ARID1B: variants seen among roughly 807,000 people sequenced by gnomAD.
ARID1B encodes AT-rich interactive domain-containing protein 1B.
A neutral mutation model predicts 212.3 loss-of-function variants in ARID1B; 30 were observed. The ratio of observed to expected loss-of-function variants is 0.14; its 90% CI spans 0.11 to 0.19. ARID1B has a LOEUF of 0.19. Ranked by LOEUF, ARID1B falls within the 10% of genes least tolerant of loss-of-function variation. The pLI, the probability that ARID1B is intolerant of heterozygous loss-of-function variation, is 1.00. For missense variants in ARID1B, 2,891 were observed against 3,204.0 expected (o/e 0.90, Z 2.36); for synonymous variants, 1,402 against 1,301.7 (o/e 1.08, Z -1.66).
chr6:156,899,088 A>G (rs1788717077), intron 2 of ARID1B, among the ~76,000 whole-genome samples: 1 of 152,224 alleles, frequency 6.6e-6, no homozygotes, highest in Non-Finnish European at 1.5e-5. Context: ...GAGCACTACA[A>G]CTTCTAGTTT....
At position 156,799,527 on chromosome 6, in the gene ARID1B, G is replaced by A. The variant is rs78266012; in HGVS notation, c.1791+20056G>A. Among the ~76,000 whole-genome samples the A allele has an allele frequency of 8.2e-3, 1,245 of 152,312 alleles. 9 individuals carry two copies. Among genetic ancestry groups the A allele is most frequent in the Non-Finnish European group, 0.014 (919 of 68,030 alleles). ...GGAGTCTTGCTCTGTTGCACAGGCT[G>A]GAGTGCAGTGGTGCTATCTCCTCAC... On this transcript the variant is annotated intron_variant, in intron 1 of 19. Transcript: ENST00000636930.
intron 1 of ARID1B, among the ~76,000 whole-genome samples, chr6:156,809,103 T>G (rs1478041946): frequency 6.6e-6 from 1 of 152,068 alleles, no homozygotes; most frequent in Non-Finnish European, 1.5e-5. Flanking sequence ...TCAGGTGTCT[T>G]TTTTTTGGCC....
chr6:157,039,911 CTTCCTTCT>C (rs1781757144), intron 4 of ARID1B, among the ~76,000 whole-genome samples: 1 of 132,394 alleles, frequency 7.6e-6, no homozygotes, highest in African/African-American at 3.0e-5. Flanking sequence ...TCCTTCCTTC[CTTCCTTCT>C]TTCTTTTCTT....
At chr6:157,083,635 G>T (rs1784773439) in intron 4 of ARID1B, among the ~76,000 whole-genome samples, 1 of 152,070 alleles carries the variant, frequency 6.6e-6, no homozygotes, top group Non-Finnish European at 1.5e-5. Flanking sequence ...CCATTGTTTT[G>T]TATCTGTATC....
chr6:157,012,548 G>C (rs1056262662), intron 4 of ARID1B, among the ~76,000 whole-genome samples: 2 of 152,228 alleles, frequency 1.3e-5, no homozygotes, highest in African/African-American at 4.8e-5. Flanking sequence ...TTGGTTGTCA[G>C]TAGTTGACTC....
intron 8 of ARID1B, chr6:157,150,868 AC>A (rs1414357037): frequency 4.5e-5 from 8 of 178,794 alleles, no homozygotes; most frequent in Admixed American, 1.9e-4. Context: ...GTAGCAACAC[AC>A]CCCGACTTGC....
intron 4 of ARID1B, among the ~76,000 whole-genome samples, chr6:156,960,667 T>C: frequency 6.6e-6 from 1 of 152,368 alleles, no homozygotes; most frequent in Non-Finnish European, 1.5e-5. Context: ...TATTTCATTT[T>C]TATGTACTTA....
In ARID1B at chr6:157,201,347, C is replaced by A. The variant is rs1168651010; in HGVS notation, c.5122C>A (p.Pro1708Thr). 4 of 1,613,478 alleles carry A rather than the reference C, an allele frequency of 2.5e-6. No homozygotes were observed. The South Asian group carries it at 3.3e-5, about 13-fold the overall frequency. The change falls in exon 18 of 20, where the codon CCC (proline) becomes ACC (threonine). Residue 1708 changes from proline to threonine, a missense_variant. Transcript: ENST00000636930. This position sits in a 1 kb window ranked among gnomAD's most constrained non-coding sequence, Gnocchi z 5.2. ...GTCTATGAAGATGCAGAAGGTCATG[C>A]CCACGGTCCCCACATCCCAGGTCAC... ...LPSMKMQKVM[P>T]TVPTSQVTGP...
intron 4 of ARID1B, among the ~76,000 whole-genome samples, chr6:157,049,641 A>T (rs1047478395): frequency 2.6e-5 from 4 of 152,186 alleles, no homozygotes; most frequent in Non-Finnish European, 5.9e-5. Flanking sequence ...CTCATTGAGG[A>T]AGAGGGGAGG....
intron 5 of ARID1B, among the ~76,000 whole-genome samples, chr6:157,095,108 C>G (rs1358750925): frequency 6.6e-6 from 1 of 152,164 alleles, no homozygotes; most frequent in East Asian, 1.9e-4. Flanking sequence ...GGCACCCAGC[C>G]TGCCTCAGCA....
intron 2 of ARID1B, among the ~76,000 whole-genome samples, chr6:156,846,238 T>C (rs1784222432): frequency 6.6e-6 from 1 of 152,076 alleles, no homozygotes; most frequent in South Asian, 2.1e-4. Context: ...CACTGCAACC[T>C]CCGCCTCCTG....
At chr6:156,860,421 C>CAGA (rs1317793698) in intron 2 of ARID1B, among the ~76,000 whole-genome samples, 1 of 151,294 alleles carries the variant, frequency 6.6e-6, no homozygotes, top group East Asian at 1.9e-4. Flanking sequence ...TGAAACAGGA[C>CAGA]AGAAGCCTGT....
intron 6 of ARID1B, among the ~76,000 whole-genome samples, chr6:157,118,093 A>G (rs549450800): frequency 6.6e-6 from 1 of 152,340 alleles, no homozygotes; most frequent in African/African-American, 2.4e-5. Context: ...ATTTATACCA[A>G]AAGTTATTTT....
intron 3 of ARID1B, among the ~76,000 whole-genome samples, chr6:156,932,852 G>GA (rs770458221): frequency 1.5e-4 from 23 of 152,156 alleles, no homozygotes; most frequent in Non-Finnish European, 2.2e-4. Context: ...AGCTGAGGCA[G>GA]AACACGTTTC....
intron 2 of ARID1B, among the ~76,000 whole-genome samples, chr6:156,887,623 T>C (rs1787614298): frequency 6.6e-6 from 1 of 152,114 alleles, no homozygotes; most frequent in South Asian, 2.1e-4. Flanking sequence ...ACAAAAATCA[T>C]TTTGAGGAGG....
intron 3 of ARID1B, among the ~76,000 whole-genome samples, chr6:156,929,074 T>C (rs890919468): frequency 6.6e-6 from 1 of 152,198 alleles, no homozygotes; most frequent in Non-Finnish European, 1.5e-5. Flanking sequence ...ATAAGCTAGC[T>C]CTGCAAATGA....
upstream of ARID1B, chr6:156,776,407 T>G (rs994487920): frequency 6.6e-6 from 1 of 151,992 alleles, no homozygotes; most frequent in Admixed American, 6.5e-5. Context: ...TTATTAAATA[T>G]AATGTCTATA....
At chr6:157,030,160 C>A in intron 4 of ARID1B, 1 of 152,892 alleles carries the variant, frequency 6.5e-6, no homozygotes, top group Non-Finnish European at 1.5e-5. Context: ...CAGCTACTGA[C>A]CTGCTAAGTG....
At position 156,808,222 on chromosome 6, in the gene ARID1B, C is replaced by T. The variant is rs188435287; in HGVS notation, c.1792-21005C>T. 3.0e-4 allele frequency among the ~76,000 whole-genome samples: 46 copies of T among 152,178 alleles called. No homozygotes were observed. The East Asian group carries it at 8.7e-3, about 29-fold the overall frequency. On this transcript the variant is annotated intron_variant, in intron 1 of 19. Coordinates refer to ENST00000636930, the MANE Select transcript of ARID1B (RefSeq NM_001374828.1). Reference sequence around the variant, plus strand: ...CAGCTGGATTTTATTTTATTTTTCCCGAAGTTATTTGCATTCTGTCTTGTT... The same window carrying T: ...CAGCTGGATTTTATTTTATTTTTCCTGAAGTTATTTGCATTCTGTCTTGTT...
Sources: gnomAD v4.1 joint callset for allele counts (sites outside exome capture counted in the v4.1 genomes callset) on GRCh38, gnomAD v4.1.1 for gene constraint, Gnocchi (gnomAD v3.1) non-coding constraint, MANE v1.5 for transcripts, NCBI Gene and HGNC (gene_info 2026-07-23, HGNC 2026-07-21) for gene names.